The following M1AP variants were observed in gnomAD, a reference collection of about 807,000 sequenced individuals.
The protein encoded by M1AP is meiosis 1 arrest protein.
M1AP carries 39 observed loss-of-function variants against 51.2 expected under a neutral mutation model. That is an observed-to-expected ratio of 0.76 (90% CI 0.59 to 1.00). The LOEUF (loss-of-function observed/expected upper bound fraction) is 1.00. Ranked by LOEUF, M1AP falls within the 50% of genes least tolerant of loss-of-function variation. The pLI is 0.00. For synonymous variants in M1AP, 251 were observed against 249.2 expected, an observed-to-expected ratio of 1.01 and a Z score of -0.07; for missense variants, 545 against 641.2, an observed-to-expected ratio of 0.85 and a Z score of 1.62.
Position 74,581,804 on chromosome 2 carries a change from G to T in M1AP, c.639C>A (p.Asp213Glu), listed in dbSNP as rs537549475. The stretch of plus-strand genomic sequence containing the variant: ...AAATCTCCATGCTGACGATATCATT[G>T]TCTATAGTCTGAAGGTCAATGTCAG... The part of the protein sequence containing the change: ...LGTDIDLQTI[D>E]NDIVSMEIFF... The change falls in exon 5 of 11, where the codon GAC (aspartate) becomes GAA (glutamate). Residue 213 changes from aspartate (D) to glutamate (E), a missense_variant. Transcript: ENST00000421985. The T allele has an allele frequency of 1.9e-6, 3 of 1,613,876 alleles. No homozygotes were observed. Among genetic ancestry groups the T allele is most frequent in the Non-Finnish European group, 2.5e-6 (3 of 1,179,890 alleles).
chr2:74,647,244 C>A lies in M1AP; in HGVS notation c.-53+1021G>T, dbSNP rs72909218. On this transcript the variant is annotated intron_variant, in intron 1 of 10. Coordinates refer to ENST00000421985, the MANE Select transcript of M1AP (RefSeq NM_001321739.2). ...CCCAACTCTCCATCCTCACACTAGG[C>A]CCTCCCCTGCCCGCACCCCGGGAGA... 9.3e-5 allele frequency: 92 copies of A among 985,330 alleles called. No individual in the cohort carries two copies. The African/African-American group carries it at 1.4e-3, about 15-fold the overall frequency. 61.0% of individuals were successfully genotyped at this position (985,330 alleles called of 1,614,324 possible).
chr2:74,581,207 G>C (rs902460751), intron 5 of M1AP, among the ~76,000 whole-genome samples: 9 of 152,184 alleles, frequency 5.9e-5, no homozygotes, highest in Non-Finnish European at 1.2e-4. Context: ...TATCTCTGTA[G>C]GTTCTTTAGT....
At chr2:74,630,631 C>G (rs973365292) in intron 2 of M1AP, among the ~76,000 whole-genome samples, 1 of 152,158 alleles carries the variant, frequency 6.6e-6, no homozygotes, top group Non-Finnish European at 1.5e-5. Flanking sequence ...TGGCTTCCAG[C>G]TTCCTCCATG....
At position 74,575,441 on chromosome 2, in the gene M1AP, C is replaced by T; in HGVS notation, c.1071G>A (p.Leu357=). 1 of 1,614,084 alleles carries T rather than the reference C, an allele frequency of 6.2e-7. No individual in the cohort carries two copies. The highest frequency in any genetic ancestry group is 8.5e-7 in the Non-Finnish European group (1 of 1,180,008). ...ACCTGGGGACATGGGTACTCACCAGCAGGCTGTGACACAAAGCATGGAAAT... is the reference window on the plus strand; with the variant it reads ...ACCTGGGGACATGGGTACTCACCAGTAGGCTGTGACACAAAGCATGGAAAT... The part of the protein sequence containing the change: ...QQHFHALCHS[L]LKREWLLLAK... The change falls in exon 7 of 11, where the codon CTG becomes CTA. Residue 357 remains leucine (L), a synonymous_variant. Transcript: ENST00000421985.
At chr2:74,635,615 A>G in intron 2 of M1AP, among the ~76,000 whole-genome samples, 1 of 152,058 alleles carries the variant, frequency 6.6e-6, no homozygotes, top group Non-Finnish European at 1.5e-5. Context: ...TTAGTGCCAT[A>G]AATTTCCTTC....
intron 2 of M1AP, among the ~76,000 whole-genome samples, chr2:74,620,461 C>T (rs1175984273): frequency 1.3e-5 from 2 of 152,230 alleles, no homozygotes; most frequent in African/African-American, 2.4e-5. Flanking sequence ...CCCCACCTAA[C>T]ACCAAATGCT....
At chr2:74,572,845 C>T (rs1678829428) in intron 7 of M1AP, among the ~76,000 whole-genome samples, 1 of 152,252 alleles carries the variant, frequency 6.6e-6, no homozygotes, top group South Asian at 2.1e-4. Context: ...CATCCCTGCC[C>T]TTTTCCAAGA....
chr2:74,577,213 A>G (rs1441374209), intron 5 of M1AP, among the ~76,000 whole-genome samples: 1 of 152,236 alleles, frequency 6.6e-6, no homozygotes, highest in African/African-American at 2.4e-5. Context: ...TAATTCCCCA[A>G]AGAAACATGA....
intron 4 of M1AP, among the ~76,000 whole-genome samples, chr2:74,595,809 A>G (rs1680301020): frequency 6.6e-6 from 1 of 152,230 alleles, no homozygotes; most frequent in Non-Finnish European, 1.5e-5. Flanking sequence ...GCTGTAAAAG[A>G]GTTTTTAAAA....
chr2:74,587,204 T>G (rs1432296885), intron 4 of M1AP, among the ~76,000 whole-genome samples: 1 of 151,598 alleles, frequency 6.6e-6, no homozygotes, highest in East Asian at 1.9e-4. Flanking sequence ...TTTTTTTTTT[T>G]CTTTTTTCTT....
rs1377019529 is a variant in M1AP at position 74,591,690 on chromosome 2, G to GT, written c.596-9844dup. Among the ~76,000 whole-genome samples, 5 of 152,288 alleles carry GT rather than the reference G, an allele frequency of 3.3e-5. No homozygotes were observed. The East Asian group carries it at 9.6e-4, about 29-fold the overall frequency. On this transcript the variant is annotated intron_variant, in intron 4 of 10. Coordinates refer to ENST00000421985, the MANE Select transcript of M1AP (RefSeq NM_001321739.2). ...GAGCTGCCTTGAGGTGAAAATAAAT[G>GT]TAAGTGGAGCCATGAAAGAAAAGAC...
chr2:74,639,676 A>C (rs1683180361), intron 2 of M1AP, among the ~76,000 whole-genome samples: 1 of 152,182 alleles, frequency 6.6e-6, no homozygotes, highest in African/African-American at 2.4e-5. Context: ...ATAGTCAGAG[A>C]CCTCAGAAGA....
intron 3 of M1AP, among the ~76,000 whole-genome samples, chr2:74,610,754 C>A (rs1681288141): frequency 6.6e-6 from 1 of 152,108 alleles, no homozygotes; most frequent in African/African-American, 2.4e-5. Context: ...GGTACTTGTT[C>A]CAGATTTTAG....
chr2:74,625,871 G>A (rs917939581), intron 2 of M1AP, among the ~76,000 whole-genome samples: 6 of 152,128 alleles, frequency 3.9e-5, no homozygotes, highest in South Asian at 2.1e-4. Flanking sequence ...GTTCCTCCCC[G>A]TGAGAAGTTT....
intron 2 of M1AP, chr2:74,628,978 A>G (rs1423848808): frequency 1.2e-5 from 3 of 251,962 alleles, no homozygotes; most frequent in African/African-American, 6.8e-5. Flanking sequence ...TGATGATACT[A>G]AACTTCCTTA....
At position 74,576,510 on chromosome 2, in the gene M1AP, AG is replaced by A; in HGVS notation, c.877del (p.Leu293SerfsTer17). 1 of 1,614,092 alleles carries A rather than the reference AG, an allele frequency of 6.2e-7. No individual in the cohort carries two copies. Among genetic ancestry groups the A allele is most frequent in the South Asian group, 1.1e-5 (1 of 91,080 alleles). ...MDDPKGDFITLYQMASQSSAS... is the reference protein window; with the variant it reads ...MDDPKGDFITXYQMASQSSAS... ...CGATGACTGGGAAGCCATCTGGTAG[AG>A]TGTGATGAAGTCTCCTTTAGGGTCA... On this transcript the variant is annotated frameshift_variant, in exon 6 of 11. Coordinates refer to ENST00000421985, the MANE Select transcript of M1AP (RefSeq NM_001321739.2). LOFTEE classifies it high-confidence loss of function.
chr2:74,558,423 C>T lies in M1AP; in HGVS notation c.*293G>A. Reference sequence around the variant, plus strand: ...AAGAAATTCTGAGTTATGAATGCTCCTAACAATGGTAGAAGCTTACTGGGT... The same window carrying T: ...AAGAAATTCTGAGTTATGAATGCTCTTAACAATGGTAGAAGCTTACTGGGT... On this transcript the variant is annotated 3_prime_UTR_variant, in exon 11 of 11. Coordinates refer to ENST00000421985, the MANE Select transcript of M1AP (RefSeq NM_001321739.2). The T allele has an allele frequency of 2.8e-6, 1 of 355,450 alleles. No homozygotes were observed. Among genetic ancestry groups the T allele is most frequent in the Non-Finnish European group, 5.1e-6 (1 of 197,290 alleles). The allele number at this position is 355,450 out of a possible 1,614,324, so 22.0% of individuals were successfully genotyped here. A position where few individuals can be genotyped will look rare whatever the true frequency, so the allele number is the denominator to read the frequency against.
chr2:74,609,034 A>G (rs1050673360), intron 3 of M1AP, among the ~76,000 whole-genome samples: 2 of 152,238 alleles, frequency 1.3e-5, no homozygotes, highest in African/African-American at 4.8e-5. Flanking sequence ...GGTAATTAGC[A>G]TATCTATCAC....
intron 2 of M1AP, among the ~76,000 whole-genome samples, chr2:74,622,232 CT>C (rs1470220188): frequency 2.6e-5 from 4 of 151,632 alleles, no homozygotes; most frequent in African/African-American, 9.7e-5. Flanking sequence ...TTTGTTTTGC[CT>C]GTTTATTTTT....
Sources: gnomAD v4.1 joint callset for allele counts (sites outside exome capture counted in the v4.1 genomes callset) on GRCh38, gnomAD v4.1.1 for gene constraint, MANE v1.5 for transcripts, NCBI Gene and HGNC (gene_info 2026-07-23, HGNC 2026-07-21) for gene names.